EDDM13: variants seen among roughly 807,000 people sequenced by gnomAD.
EDDM13 encodes the protein epididymal protein 13.
In EDDM13, 24 loss-of-function variants were observed where a neutral mutation model predicts 17.8. That is an observed-to-expected ratio of 1.35 (90% CI 0.98 to 1.90). EDDM13 has a LOEUF of 1.90. Ranked by LOEUF, EDDM13 falls within the 40% of genes most tolerant of loss-of-function variation. The pLI is 0.00. For synonymous variants in EDDM13, 31 were observed against 37.5 expected (o/e 0.83, Z 0.63); for missense variants, 97 against 100.8 (o/e 0.96, Z 0.16).
intron 4 of EDDM13, chr19:56,282,897 T>C (rs1464578565): frequency 6.6e-6 from 1 of 152,224 alleles, no homozygotes; most frequent in Admixed American, 6.5e-5. Context: ...TAATAATTCC[T>C]AGAGATAGCA....
chr19:56,283,204 T>C (rs1558356), intron 4 of EDDM13: 135,827 of 152,294 alleles, frequency 0.89, 61,094 homozygotes, highest in Middle Eastern at 0.94. Flanking sequence ...ACGTCCCTGC[T>C]CCCACTGCAC....
At chr19:56,287,314 A>G (rs932919447) in intron 6 of EDDM13, among the ~76,000 whole-genome samples, 2 of 152,232 alleles carry the variant, frequency 1.3e-5, no homozygotes, top group Non-Finnish European at 2.9e-5. Flanking sequence ...CTGAGTTTTG[A>G]TGGAGAATGT....
At chr19:56,302,192 G>A (rs1266498927) in intron 13 of EDDM13, 97 bp downstream of exon 13, 5 of 888,930 alleles carry the variant, frequency 5.6e-6, no homozygotes, top group African/African-American at 5.2e-5. Flanking sequence ...GTGCCTCAGA[G>A]GTGCCAAGCA....
chr19:56,305,644 C>T (rs1169236588), intron 14 of EDDM13, among the ~76,000 whole-genome samples: 2 of 152,174 alleles, frequency 1.3e-5, no homozygotes, highest in African/African-American at 4.8e-5. Flanking sequence ...CCCACTGATG[C>T]ATCCTGGATG....
intron 2 of EDDM13, among the ~76,000 whole-genome samples, chr19:56,279,438 G>A (rs2038515138): frequency 6.6e-6 from 1 of 152,174 alleles, no homozygotes; most frequent in Admixed American, 6.5e-5. Context: ...AAAGGACTGT[G>A]AGAACATAAT....
In EDDM13 at chr19:56,307,713, C is replaced by T. The variant is rs187225378; in HGVS notation, c.462-2411C>T. On this transcript the variant is annotated intron_variant, in intron 14 of 14. Transcript: ENST00000649256. ...TGCCCTTCAGGTAATACAATTTTTT[C>T]CCCAAGGTCTGTATGTAAAACATGC... 2.7e-3 allele frequency among the ~76,000 whole-genome samples: 404 copies of T among 152,298 alleles called. 3 individuals carry two copies. Among genetic ancestry groups the T allele is most frequent in the Admixed American group, 6.4e-3 (98 of 15,298 alleles).
At chr19:56,286,720 A>C (rs2039151627) in intron 6 of EDDM13, 1 of 152,202 alleles carries the variant, frequency 6.6e-6, no homozygotes, top group African/African-American at 2.4e-5. Context: ...CTCTGGTTGA[A>C]AGAGAATTGG....
chr19:56,278,981 C>T (rs1218308712), intron 2 of EDDM13, among the ~76,000 whole-genome samples: 1 of 152,210 alleles, frequency 6.6e-6, no homozygotes, highest in Non-Finnish European at 1.5e-5. Flanking sequence ...TTCCAACTCA[C>T]ACCCCAATAT....
chr19:56,287,093 T>C (rs76233859), intron 6 of EDDM13, among the ~76,000 whole-genome samples: 1 of 152,342 alleles, frequency 6.6e-6, no homozygotes, highest in South Asian at 2.1e-4. Context: ...TTCTGGAGTC[T>C]AAAGTCTTCC....
chr19:56,273,466 A>AAAAGACAGACAG (rs80267730), intron 1 of EDDM13, among the ~76,000 whole-genome samples: 1 of 151,742 alleles, frequency 6.6e-6, no homozygotes, highest in Non-Finnish European at 1.5e-5. Flanking sequence ...TATAGTGATG[A>AAAAGACAGACAG]AAATAGTTCT....
chr19:56,303,146 T>C (rs1010776055), intron 13 of EDDM13, among the ~76,000 whole-genome samples: 6 of 152,052 alleles, frequency 3.9e-5, no homozygotes, highest in Non-Finnish European at 7.4e-5. Context: ...AAACACCATG[T>C]GCGAGACTCA....
intron 12 of EDDM13, among the ~76,000 whole-genome samples, chr19:56,299,276 C>T (rs1488075615): frequency 1.3e-5 from 2 of 151,856 alleles, no homozygotes; most frequent in African/African-American, 4.8e-5. Context: ...GGACCACAGG[C>T]ACGAGACACC....
At chr19:56,301,522 C>G (rs781745359) in intron 12 of EDDM13, among the ~76,000 whole-genome samples, 1 of 152,186 alleles carries the variant, frequency 6.6e-6, no homozygotes, top group Non-Finnish European at 1.5e-5. Flanking sequence ...TTACCGCAAC[C>G]TGTTTTATCA....
At chr19:56,292,221 T>C (rs16987170) in intron 9 of EDDM13, among the ~76,000 whole-genome samples, 24,347 of 152,200 alleles carry the variant, frequency 0.16, 1,968 homozygotes, top group Middle Eastern at 0.34. Flanking sequence ...GTGGGTAACA[T>C]ACATCTTTTA....
Position 56,288,373 on chromosome 19 carries a change from C to T in EDDM13, c.155-12C>T, listed in dbSNP as rs1441627276. ...AATTTCTTCACCCAGCTAACCCCTGCTCATCTTCCAGGTCTCAGACACAAC... is the reference window on the plus strand; with the variant it reads ...AATTTCTTCACCCAGCTAACCCCTGTTCATCTTCCAGGTCTCAGACACAAC... On this transcript the variant is annotated splice_polypyrimidine_tract_variant and intron_variant, in intron 6 of 14. Coordinates refer to ENST00000649256, the MANE Select transcript of EDDM13 (RefSeq NM_001354658.2). 6.6e-6 allele frequency among the ~76,000 whole-genome samples: 1 copy of T among 152,206 alleles called. No individual in the cohort carries two copies. Among genetic ancestry groups the T allele is most frequent in the East Asian group, 1.9e-4 (1 of 5,190 alleles).
intron 14 of EDDM13, among the ~76,000 whole-genome samples, chr19:56,308,273 C>A (rs2040827260): frequency 6.6e-6 from 1 of 151,956 alleles, no homozygotes; most frequent in African/African-American, 2.4e-5. Context: ...ACCTTGTGAT[C>A]CGCCCGCCTC....
rs1286889200 is a variant in EDDM13 at position 56,272,803 on chromosome 19, G to C, written c.-32G>C. On this transcript the variant is annotated 5_prime_UTR_variant, in exon 1 of 15. Transcript: ENST00000649256. ...CCAGAGAGTCCTGTCTATCCTAGGAGGAGAACATTCAGCCCAAATCCCAGC... is the reference window on the plus strand; with the variant it reads ...CCAGAGAGTCCTGTCTATCCTAGGACGAGAACATTCAGCCCAAATCCCAGC... 1 of 916,690 alleles carries C rather than the reference G, an allele frequency of 1.1e-6. No homozygotes were observed. The highest frequency in any genetic ancestry group is 1.3e-6 in the Non-Finnish European group (1 of 767,406). 56.8% of individuals were successfully genotyped at this position (916,690 alleles called of 1,614,324 possible). A position where few individuals can be genotyped will look rare whatever the true frequency, so the allele number is the denominator to read the frequency against.
intron 2 of EDDM13, among the ~76,000 whole-genome samples, chr19:56,278,884 C>T (rs1308423407): frequency 6.6e-6 from 1 of 152,158 alleles, no homozygotes; most frequent in Non-Finnish European, 1.5e-5. Flanking sequence ...AAGAATTGAC[C>T]CTTACTCCAC....
At chr19:56,287,347 G>A (rs1320226069) in intron 6 of EDDM13, among the ~76,000 whole-genome samples, 2 of 152,076 alleles carry the variant, frequency 1.3e-5, no homozygotes, top group Non-Finnish European at 2.9e-5. Context: ...GTCCAGCCTC[G>A]AGCACATGGT....
Sources: allele counts gnomAD v4.1 joint callset (sites outside exome capture counted in the v4.1 genomes callset), GRCh38; gene constraint gnomAD v4.1.1; transcripts MANE v1.5; gene names NCBI Gene and HGNC (gene_info 2026-07-23, HGNC 2026-07-21).